Variants in MICALL1 observed in about 807,000 individuals in gnomAD.
MICALL1 encodes the protein MICAL like 1, also known as MICAL-like protein 1.
In MICALL1, 61 loss-of-function variants were observed where a neutral mutation model predicts 83.7. The ratio of observed to expected loss-of-function variants is 0.73; its 90% CI spans 0.59 to 0.90. The LOEUF (loss-of-function observed/expected upper bound fraction) is 0.90, where lower values mean the gene tolerates loss of function less well. Among genes scored for constraint, MICALL1 ranks in the 40% least tolerant of loss-of-function variants. The pLI is 0.00. For missense variants in MICALL1, 1,066 were observed against 1,152.0 expected, an observed-to-expected ratio of 0.93 and a Z score of 1.08; for synonymous variants, 481 against 473.6, an observed-to-expected ratio of 1.02 and a Z score of -0.20.
chr22:37,920,693 G>A lies in MICALL1; in HGVS notation c.570-1279G>A, dbSNP rs888874549. On this transcript the variant is annotated intron_variant, in intron 5 of 15. Transcript: ENST00000215957. ...TCCCAGCACTTTGGGAGGCCGAGGC[G>A]GGTGGATCACGAGGTCAGGAGATCG... is the stretch of plus-strand genomic sequence containing the variant. 3.3e-5 allele frequency among the ~76,000 whole-genome samples: 5 copies of A among 151,778 alleles called. 1 individual carries two copies. The highest frequency in any genetic ancestry group is 6.3e-3 in the Middle Eastern group (2 of 316).
chr22:37,913,875 T>C (rs895000537), intron 3 of MICALL1, among the ~76,000 whole-genome samples: 112 of 134,266 alleles, frequency 8.3e-4, no homozygotes, highest in Non-Finnish European at 1.5e-3. Flanking sequence ...CTGGCCCAAC[T>C]CTTTTTTTTT....
rs548775326 is a variant in MICALL1, at chr22:37,932,196, G to A, written c.2016+263G>A. The stretch of plus-strand genomic sequence containing the variant: ...ACAAGTTCAAGTATCAAGCACTCAT[G>A]ATAACACTGCTACTTAAGCTGATTA... On this transcript the variant is annotated intron_variant, in intron 10 of 15. Transcript: ENST00000215957. This position sits in a 1 kb window ranked among gnomAD's most constrained non-coding sequence, Gnocchi z 4.4. Among the ~76,000 whole-genome samples the A allele has an allele frequency of 3.3e-5, 5 of 152,382 alleles. No individual in the cohort carries two copies. In the East Asian group the frequency reaches 7.7e-4, roughly 23 times the overall value.
intron 1 of MICALL1, among the ~76,000 whole-genome samples, chr22:37,908,184 TG>T (rs1364413916): frequency 6.6e-6 from 1 of 152,160 alleles, no homozygotes; most frequent in Admixed American, 6.5e-5. Context: ...TGTCCTCATC[TG>T]TGAGGTGGGA....
At chr22:37,927,333 G>T in intron 8 of MICALL1, 78 bp from the exon 9 acceptor site, 1 of 1,426,410 alleles carries the variant, frequency 7.0e-7, no homozygotes, top group South Asian at 1.4e-5. Context: ...CGGCTCTGTT[G>T]AGAGTGGAGC....
rs187736473 is a variant in MICALL1, at chr22:37,932,568, T to C, written c.2032T>C (p.Tyr678His). ...TGTTGGGCAGGTCCAGGCTGACCAG[T>C]ACATCCCTGAGGAGGACATCCATGG... ...LIKRKVQADQ[Y>H]IPEEDIHGEM... Residue 678 changes from tyrosine (Y) to histidine (H), a missense_variant, in exon 11 of 16, where the codon TAC (tyrosine) becomes CAC (histidine). Transcript: ENST00000215957. This position sits in a 1 kb window ranked among gnomAD's most constrained non-coding sequence, Gnocchi z 4.4. 6 of 1,614,114 alleles carry C rather than the reference T, an allele frequency of 3.7e-6. No homozygotes were observed. The East Asian group carries it at 1.3e-4, about 36-fold the overall frequency.
At position 37,931,783 on chromosome 22, in the gene MICALL1, G is replaced by A; in HGVS notation, c.1882-16G>A. On this transcript the variant is annotated splice_polypyrimidine_tract_variant and intron_variant, in intron 9 of 15. Transcript: ENST00000215957. ...TCTTCCCAGGCTCACCCTCTGTCAT[G>A]TCTCCTTCCCTTTAGTCCTCCTGCA... 1.2e-6 allele frequency: 2 copies of A among 1,613,844 alleles called. No individual in the cohort carries two copies. Among genetic ancestry groups the A allele is most frequent in the Non-Finnish European group, 1.7e-6 (2 of 1,179,918 alleles).
intron 6 of MICALL1, among the ~76,000 whole-genome samples, chr22:37,922,990 C>T (rs570188473): frequency 1.7e-4 from 25 of 150,744 alleles, no homozygotes; most frequent in African/African-American, 5.9e-4. Flanking sequence ...GGTTGGAGTG[C>T]AGTGGTGCGA....
chr22:37,913,278 G>T (rs1260888613), intron 3 of MICALL1, among the ~76,000 whole-genome samples: 1 of 152,134 alleles, frequency 6.6e-6, no homozygotes, highest in Non-Finnish European at 1.5e-5. Context: ...CATATATCTT[G>T]AGTAAAAGAG....
chr22:37,912,641 A>G (rs1928406825), intron 3 of MICALL1, 149 bp downstream of exon 3: 1 of 649,784 alleles, frequency 1.5e-6, no homozygotes, highest in African/African-American at 1.9e-5. Context: ...TCATTGAAAT[A>G]TTTCTTTTTT....
rs2145938196 is a variant in MICALL1, at chr22:37,931,817, C to T, written c.1900C>T (p.Pro634Ser). The change falls in exon 10 of 16, where the codon CCT (proline) becomes TCT (serine). Residue 634 changes from proline to serine, a missense_variant. Physicochemically the swap from Pro to Ser is moderately conservative, Grantham distance 74. Transcript: ENST00000215957. ...CCTTTAGTCCTCCTGCAAGGAGAATCCTTTTAACCGGAAGCCATCACCTGC... is the reference window on the plus strand; with the variant it reads ...CCTTTAGTCCTCCTGCAAGGAGAATTCTTTTAACCGGAAGCCATCACCTGC... ...LQVKSSCKENPFNRKPSPAAS... is the reference protein window; with the variant it reads ...LQVKSSCKENSFNRKPSPAAS... 1.2e-6 allele frequency: 2 copies of T among 1,614,130 alleles called. No individual in the cohort carries two copies. The highest frequency in any genetic ancestry group is 1.7e-6 in the Non-Finnish European group (2 of 1,180,020).
At chr22:37,914,514 A>G (rs1011350172) in intron 3 of MICALL1, among the ~76,000 whole-genome samples, 1 of 151,708 alleles carries the variant, frequency 6.6e-6, no homozygotes, top group Non-Finnish European at 1.5e-5. Context: ...GGCATGAGCC[A>G]CTGCACCCAG....
chr22:37,906,516 C>A lies in MICALL1; in HGVS notation c.94C>A (p.Arg32=). 8.0e-7 allele frequency: 1 copy of A among 1,246,492 alleles called. No individual in the cohort carries two copies. Among genetic ancestry groups the A allele is most frequent in the South Asian group, 2.6e-5 (1 of 38,838 alleles). 77.2% of individuals were successfully genotyped at this position (1,246,492 alleles called of 1,614,324 possible). The change falls in exon 1 of 16, where the codon CGG becomes AGG. Residue 32 remains arginine, a synonymous_variant. Coordinates refer to ENST00000215957, the MANE Select transcript of MICALL1 (RefSeq NM_033386.4). This position sits in a 1 kb window ranked among gnomAD's most constrained non-coding sequence, Gnocchi z 4.4. ...GATCCGCGACCTGAGCAGCTCCTTCCGGGACGGCCTGGCCTTCTGCGCCAT... is the reference window on the plus strand; with the variant it reads ...GATCCGCGACCTGAGCAGCTCCTTCAGGGACGGCCTGGCCTTCTGCGCCAT... ...VEIRDLSSSF[R]DGLAFCAILH...
intron 13 of MICALL1, among the ~76,000 whole-genome samples, chr22:37,936,485 C>T (rs1930127301): frequency 1.3e-5 from 2 of 152,248 alleles, no homozygotes; most frequent in African/African-American, 4.8e-5. Flanking sequence ...CTTGGTGCTG[C>T]CCTGTTCTTG....
In MICALL1 at chr22:37,941,861, C is replaced by T. The variant is rs1428278894; in HGVS notation, c.*1031C>T. 1 of 152,342 alleles carries T rather than the reference C, an allele frequency of 6.6e-6. No individual in the cohort carries two copies. Among genetic ancestry groups the T allele is most frequent in the African/African-American group, 2.4e-5 (1 of 41,432 alleles). 9.4% of individuals were successfully genotyped at this position (152,342 alleles called of 1,614,324 possible). ...GCCACCTTTTCTGCAGGAAATGTGC[C>T]CAGCAGCTCTTGGTCAAAGCACTGT... On this transcript the variant is annotated 3_prime_UTR_variant, in exon 16 of 16. Coordinates refer to ENST00000215957, the MANE Select transcript of MICALL1 (RefSeq NM_033386.4).
chr22:37,928,058 C>T (rs934052786), intron 9 of MICALL1, among the ~76,000 whole-genome samples: 1 of 152,052 alleles, frequency 6.6e-6, no homozygotes, highest in Admixed American at 6.6e-5. Context: ...AGGCGCCCAC[C>T]ACCACGCCCG....
Position 37,906,560 on chromosome 22 carries a change from C to CGACCT in MICALL1, c.140_144dup (p.Leu49ThrfsTer3). On this transcript the variant is annotated frameshift_variant, in exon 1 of 16. Transcript: ENST00000215957. LOFTEE classifies it high-confidence loss of function. The surrounding 1 kb of genome is among the most constrained non-coding windows in gnomAD (Gnocchi z 4.4). ...GCGCCATCCTGCACCGGCACCGGCC[C>CGACCT]GACCTGCTGTGAGTGCGGGGCCCCG... The CGACCT allele has an allele frequency of 8.5e-7, 1 of 1,177,964 alleles. No homozygotes were observed. Among genetic ancestry groups the CGACCT allele is most frequent in the Non-Finnish European group, 1.1e-6 (1 of 947,076 alleles). 73.0% of individuals were successfully genotyped at this position (1,177,964 alleles called of 1,614,324 possible). A position where few individuals can be genotyped will look rare whatever the true frequency, so the allele number is the denominator to read the frequency against.
chr22:37,935,323 C>A (rs571648501), intron 13 of MICALL1, among the ~76,000 whole-genome samples: 9 of 150,636 alleles, frequency 6.0e-5, no homozygotes, highest in African/African-American at 1.7e-4. Flanking sequence ...TGCAGTGGCA[C>A]GATCTTGGCT....
At chr22:37,934,877 T>G (rs1171014156) in intron 13 of MICALL1, among the ~76,000 whole-genome samples, 2 of 150,918 alleles carry the variant, frequency 1.3e-5, no homozygotes, top group South Asian at 2.1e-4. Flanking sequence ...ATTACAGGCA[T>G]GAGCCACTGC....
chr22:37,924,308 G>A lies in MICALL1; in HGVS notation c.1025-352G>A, dbSNP rs559258098. Among the ~76,000 whole-genome samples, 172 of 152,328 alleles carry A rather than the reference G, an allele frequency of 1.1e-3. No individual in the cohort carries two copies. Among genetic ancestry groups the A allele is most frequent in the African/African-American group, 3.8e-3 (156 of 41,578 alleles). On this transcript the variant is annotated intron_variant, in intron 6 of 15. Coordinates refer to ENST00000215957, the MANE Select transcript of MICALL1 (RefSeq NM_033386.4). This position sits in a 1 kb window ranked among gnomAD's most constrained non-coding sequence, Gnocchi z 5.2. ...CTAAGTTGGAAGGAGGGGAGCAGGG[G>A]CTGCTGTGGGATTCACAGAGGACAC...
Sources: gnomAD v4.1 joint callset for allele counts (sites outside exome capture counted in the v4.1 genomes callset) on GRCh38, gnomAD v4.1.1 for gene constraint, Gnocchi (gnomAD v3.1) non-coding constraint, MANE v1.5 for transcripts, NCBI Gene and HGNC (gene_info 2026-07-23, HGNC 2026-07-21) for gene names.